Variants in SYNDIG1L observed in about 807,000 individuals in gnomAD.
SYNDIG1L encodes synapse differentiation-inducing gene protein 1-like.
Under a neutral mutation model 20.1 loss-of-function variants are expected in SYNDIG1L, and 13 were observed. The ratio of observed to expected loss-of-function variants is 0.65; its 90% confidence interval spans 0.42 to 1.03. The LOEUF (loss-of-function observed/expected upper bound fraction) is 1.03. Among genes scored for constraint, SYNDIG1L ranks in the 50% least tolerant of loss-of-function variants. SYNDIG1L has a pLI of 0.00. For synonymous variants in SYNDIG1L, 128 were observed against 129.3 expected, an observed-to-expected ratio of 0.99 and a Z score of 0.07; for missense variants, 294 against 305.1, an observed-to-expected ratio of 0.96 and a Z score of 0.27.
At chr14:74,471,064 T>A in the SYNDIG1L span, among the ~76,000 whole-genome samples, 2 of 152,216 alleles carry the variant, frequency 1.3e-5, no homozygotes, top group South Asian at 4.1e-4. Context: ...AATGGAAACC[T>A]GCAGAGAAAC....
the SYNDIG1L span, among the ~76,000 whole-genome samples, chr14:74,446,609 T>C: frequency 1.4e-5 from 2 of 147,228 alleles, no homozygotes; most frequent in Admixed American, 1.4e-4. Flanking sequence ...CCCAGTTATG[T>C]GCTGGCTTTT....
the SYNDIG1L span, among the ~76,000 whole-genome samples, chr14:74,452,154 C>T: frequency 6.6e-6 from 1 of 152,046 alleles, no homozygotes; most frequent in South Asian, 2.1e-4. Flanking sequence ...ATTAGGGAAG[C>T]ACAAATTGAA....
the SYNDIG1L span, among the ~76,000 whole-genome samples, chr14:74,438,743 T>C: frequency 6.6e-6 from 1 of 152,224 alleles, no homozygotes; most frequent in African/African-American, 2.4e-5. Context: ...TGTTCTGTTA[T>C]CAGTGCCTAA....
At chr14:74,449,472 C>T in the SYNDIG1L span, among the ~76,000 whole-genome samples, 236 of 61,392 alleles carry the variant, frequency 3.8e-3, 4 homozygotes, top group Middle Eastern at 0.043. Flanking sequence ...AAAAGCCAGG[C>T]AAAATGGCAT....
the SYNDIG1L span, among the ~76,000 whole-genome samples, chr14:74,462,050 C>T: frequency 7.0e-6 from 1 of 142,402 alleles, no homozygotes; most frequent in Admixed American, 7.2e-5. Context: ...CAAACCACTG[C>T]ACTCCAGCCT....
the SYNDIG1L span, among the ~76,000 whole-genome samples, chr14:74,454,834 A>G: frequency 6.6e-6 from 1 of 152,218 alleles, no homozygotes; most frequent in African/African-American, 2.4e-5. Flanking sequence ...CCCCACAGAA[A>G]ACAAATTCAC....
chr14:74,411,856 A>G (rs532800681), intron 1 of SYNDIG1L, among the ~76,000 whole-genome samples: 1 of 152,186 alleles, frequency 6.6e-6, no homozygotes, highest in African/African-American at 2.4e-5. Flanking sequence ...ACAAATAATC[A>G]TGGGGGTTAC....
At chr14:74,436,710 C>T in the SYNDIG1L span, among the ~76,000 whole-genome samples, 255 of 151,984 alleles carry the variant, frequency 1.7e-3, 1 homozygote, top group African/African-American at 5.8e-3. Context: ...ATTAGTCAGG[C>T]GTGGTGGGAC....
At chr14:74,434,927 A>AAAT in the SYNDIG1L span, among the ~76,000 whole-genome samples, 1 of 149,210 alleles carries the variant, frequency 6.7e-6, no homozygotes, top group African/African-American at 2.5e-5. Flanking sequence ...TAAAAAAAAA[A>AAAT]AAAAAATTAG....
the SYNDIG1L span, among the ~76,000 whole-genome samples, chr14:74,435,100 A>AG: frequency 6.6e-6 from 1 of 151,096 alleles, no homozygotes; most frequent in African/African-American, 2.4e-5. Flanking sequence ...AAAAAAAAAA[A>AG]AAAAAAAAAA....
At chr14:74,478,905 A>T in the SYNDIG1L span, among the ~76,000 whole-genome samples, 1 of 152,286 alleles carries the variant, frequency 6.6e-6, no homozygotes, top group East Asian at 1.9e-4. Flanking sequence ...CCTATTTAAC[A>T]GATAAGGAGA....
chr14:74,409,458 T>C lies in SYNDIG1L; in HGVS notation c.287A>G (p.Glu96Gly), dbSNP rs1054345129. 6.2e-7 allele frequency: 1 copy of C among 1,613,540 alleles called. No homozygotes were observed. Among genetic ancestry groups the C allele is most frequent in the African/African-American group, 1.3e-5 (1 of 74,886 alleles). ...CTGCTCTGGAGGCCCCTCCTGGGGCTCCCTGTCCTCTGTGAAGCTTGTCTC... is the reference window on the plus strand; with the variant it reads ...CTGCTCTGGAGGCCCCTCCTGGGGCCCCCTGTCCTCTGTGAAGCTTGTCTC... ...SCETSFTEDR[E>G]PQEGPPEQPT... Residue 96 changes from glutamate (E) to glycine (G), a missense_variant, in exon 2 of 4, where the codon GAG becomes GGG. Transcript: ENST00000331628.
chr14:74,478,633 G>A, the SYNDIG1L span, among the ~76,000 whole-genome samples: 3 of 152,176 alleles, frequency 2.0e-5, no homozygotes, highest in African/African-American at 4.8e-5. Context: ...TGGGAATAGG[G>A]AGACAGTGGA....
chr14:74,443,170 A>G, the SYNDIG1L span, among the ~76,000 whole-genome samples: 51 of 152,314 alleles, frequency 3.3e-4, 1 homozygote, highest in Middle Eastern at 3.4e-3. Context: ...GAAATACAAC[A>G]TTTAATTGCT....
chr14:74,420,979 A>T (rs567573286), intron 1 of SYNDIG1L, among the ~76,000 whole-genome samples: 2 of 152,200 alleles, frequency 1.3e-5, no homozygotes, highest in Admixed American at 6.5e-5. Context: ...CTTCATTCCT[A>T]AGTATAAATG....
chr14:74,458,621 CA>C, the SYNDIG1L span, among the ~76,000 whole-genome samples: 2,531 of 79,776 alleles, frequency 0.032, 57 homozygotes, highest in African/African-American at 0.1. Flanking sequence ...GACTCCATCT[CA>C]AAAAAAAAAA....
At chr14:74,453,151 A>T in the SYNDIG1L span, among the ~76,000 whole-genome samples, 1 of 152,138 alleles carries the variant, frequency 6.6e-6, no homozygotes, top group Non-Finnish European at 1.5e-5. Flanking sequence ...GTTCAAGACC[A>T]GCCTGACCAA....
chr14:74,440,420 A>C, the SYNDIG1L span, among the ~76,000 whole-genome samples: 40 of 151,876 alleles, frequency 2.6e-4, no homozygotes, highest in Non-Finnish European at 5.0e-4. Context: ...AGGCTGAGAC[A>C]GGAGAATGGC....
chr14:74,462,902 T>A, the SYNDIG1L span, among the ~76,000 whole-genome samples: 1 of 152,158 alleles, frequency 6.6e-6, no homozygotes. Flanking sequence ...CAACTGTACT[T>A]GAGTCTTGGA....
Sources: allele counts gnomAD v4.1 joint callset (sites outside exome capture counted in the v4.1 genomes callset), GRCh38; gene constraint gnomAD v4.1.1; transcripts MANE v1.5; gene names NCBI Gene and HGNC (gene_info 2026-07-23, HGNC 2026-07-21).